The following PIAS2 variants were observed in gnomAD, a reference collection of about 807,000 sequenced individuals.
PIAS2 encodes protein inhibitor of activated STAT 2, also known as E3 SUMO-protein ligase PIAS2.
PIAS2 carries 19 observed loss-of-function variants against 69.7 expected under a neutral mutation model. The ratio of observed to expected loss-of-function variants is 0.27; its 90% confidence interval spans 0.19 to 0.40. The LOEUF (loss-of-function observed/expected upper bound fraction) is 0.40. PIAS2 is among the 10% of genes least tolerant of loss of function. The probability of loss-of-function intolerance (pLI) is 1.00; values close to 1 mark genes in which losing one functional copy is unlikely to be tolerated. For missense variants in PIAS2, 624 were observed against 757.0 expected (o/e 0.82, Z 2.06); for synonymous variants, 261 against 263.2 (o/e 0.99, Z 0.08).
intron 12 of PIAS2, among the ~76,000 whole-genome samples, 164 bp downstream of exon 12, chr18:46,820,769 C>T (rs1197593608): frequency 6.6e-6 from 1 of 152,082 alleles, no homozygotes; most frequent in African/African-American, 2.4e-5. Flanking sequence ...GTTAAAATAA[C>T]AACTGGATGT....
intron 11 of PIAS2, among the ~76,000 whole-genome samples, chr18:46,821,994 G>A (rs1346966875): frequency 2.6e-5 from 4 of 152,100 alleles, no homozygotes; most frequent in East Asian, 1.9e-4. Context: ...ATCCTTGAAT[G>A]TATGTAGGAA....
Position 46,807,724 on chromosome 18 carries a change from A to T in PIAS2, c.*4709T>A, listed in dbSNP as rs2144667597. ...TGTCAGATATATTTAAAACTAAGAA[A>T]GCTTGGGAAAATCTCTGCCAATGAT... On this transcript the variant is annotated 3_prime_UTR_variant, in exon 14 of 14. Coordinates refer to ENST00000585916, the MANE Select transcript of PIAS2 (RefSeq NM_004671.5). 6.6e-6 allele frequency: 1 copy of T among 152,288 alleles called. No homozygotes were observed. The highest frequency in any genetic ancestry group is 2.1e-4 in the South Asian group (1 of 4,824). 9.4% of individuals were successfully genotyped at this position (152,288 alleles called of 1,614,324 possible). A position where few individuals can be genotyped will look rare whatever the true frequency, so the allele number is the denominator to read the frequency against.
At chr18:46,826,021 T>C (rs2042795642) in intron 11 of PIAS2, among the ~76,000 whole-genome samples, 1 of 152,192 alleles carries the variant, frequency 6.6e-6, no homozygotes, top group African/African-American at 2.4e-5. Flanking sequence ...AGTTCTTCCG[T>C]GTATTAATGT....
chr18:46,856,715 T>C (rs372249131), intron 3 of PIAS2, among the ~76,000 whole-genome samples: 2 of 152,176 alleles, frequency 1.3e-5, no homozygotes, highest in East Asian at 3.9e-4. Context: ...ATTACAGTTT[T>C]AAAAAGTATT....
chr18:46,814,577 G>A (rs1416220956), intron 13 of PIAS2, among the ~76,000 whole-genome samples: 2 of 152,200 alleles, frequency 1.3e-5, no homozygotes, highest in East Asian at 3.8e-4. Flanking sequence ...ACAGGAGGCT[G>A]ATACAGGACT....
At chr18:46,824,855 A>C (rs2042628399) in intron 11 of PIAS2, among the ~76,000 whole-genome samples, 1 of 149,676 alleles carries the variant, frequency 6.7e-6, no homozygotes, top group Non-Finnish European at 1.5e-5. Flanking sequence ...AAAAAAAAAC[A>C]CAAAAAAATT....
At chr18:46,906,526 T>TA (rs1198795157) in intron 1 of PIAS2, among the ~76,000 whole-genome samples, 3 of 152,136 alleles carry the variant, frequency 2.0e-5, no homozygotes, top group Non-Finnish European at 2.9e-5. Context: ...AGTATAATTA[T>TA]AAAAAGTTAA....
At chr18:46,858,785 A>T (rs1434698392) in intron 3 of PIAS2, among the ~76,000 whole-genome samples, 2 of 152,198 alleles carry the variant, frequency 1.3e-5, no homozygotes, top group Non-Finnish European at 2.9e-5. Flanking sequence ...AAATGGTAAG[A>T]CTTGATGAAT....
At chr18:46,838,282 ACTTTC>A (rs1599569680) in intron 8 of PIAS2, among the ~76,000 whole-genome samples, 1 of 152,232 alleles carries the variant, frequency 6.6e-6, no homozygotes, top group African/African-American at 2.4e-5. Context: ...TCTCAAAAAC[ACTTTC>A]ACAATTACAT....
intron 1 of PIAS2, among the ~76,000 whole-genome samples, chr18:46,898,846 T>C (rs922259900): frequency 6.6e-6 from 1 of 151,772 alleles, no homozygotes; most frequent in Non-Finnish European, 1.5e-5. Flanking sequence ...ATACAAATAT[T>C]AGCCGGGCGT....
At chr18:46,914,446 C>T (rs2057584276) in intron 1 of PIAS2, among the ~76,000 whole-genome samples, 1 of 152,120 alleles carries the variant, frequency 6.6e-6, no homozygotes, top group South Asian at 2.1e-4. Flanking sequence ...TATAGAGCTG[C>T]CATATTCTGC....
At chr18:46,861,410 A>G (rs2048643906) in intron 3 of PIAS2, among the ~76,000 whole-genome samples, 1 of 152,226 alleles carries the variant, frequency 6.6e-6, no homozygotes, top group Admixed American at 6.5e-5. Context: ...ACACTGAATT[A>G]ATCTGCAAAA....
At chr18:46,898,994 C>CAA (rs80167037) in intron 1 of PIAS2, among the ~76,000 whole-genome samples, 2 of 80,790 alleles carry the variant, frequency 2.5e-5, no homozygotes, top group East Asian at 3.5e-4. Flanking sequence ...GACTCCATCT[C>CAA]AAAAAAAAAA....
At chr18:46,830,396 A>G (rs2043435602) in intron 9 of PIAS2, among the ~76,000 whole-genome samples, 1 of 152,118 alleles carries the variant, frequency 6.6e-6, no homozygotes, top group Non-Finnish European at 1.5e-5. Context: ...TAAACAAAAG[A>G]AACATGAGTC....
intron 1 of PIAS2, among the ~76,000 whole-genome samples, chr18:46,910,112 C>T (rs751852805): frequency 3.8e-4 from 57 of 151,906 alleles, no homozygotes; most frequent in Non-Finnish European, 6.8e-4. Flanking sequence ...GTCAAGATCG[C>T]GCCACTGCAC....
intron 13 of PIAS2, among the ~76,000 whole-genome samples, chr18:46,813,850 G>T (rs1246928419): frequency 6.6e-6 from 1 of 152,182 alleles, no homozygotes; most frequent in Non-Finnish European, 1.5e-5. Flanking sequence ...AGGGACATTA[G>T]TTACAGGGAG....
Position 46,817,048 on chromosome 18 carries a change from T to C in PIAS2, c.1649-1699A>G, listed in dbSNP as rs925439903. ...TCTATTATTAAGTAAAAAAAGTTTA[T>C]TGGAACATTTTGTTCTGCTTCAAAT... On this transcript the variant is annotated intron_variant, in intron 12 of 13. Transcript: ENST00000585916. 1.1e-5 allele frequency: 10 copies of C among 936,442 alleles called. 1 individual carries two copies. In the Admixed American group the frequency reaches 1.9e-4, roughly 17 times the overall value. 58.0% of individuals were successfully genotyped at this position (936,442 alleles called of 1,614,324 possible). A position where few individuals can be genotyped will look rare whatever the true frequency, so the allele number is the denominator to read the frequency against.
chr18:46,805,398 A>C lies in PIAS2; in HGVS notation c.*7035T>G, dbSNP rs1277855049. The C allele has an allele frequency of 1.3e-5, 2 of 152,254 alleles. No individual in the cohort carries two copies. The highest frequency in any genetic ancestry group is 2.9e-5 in the Non-Finnish European group (2 of 68,064). 9.4% of individuals were successfully genotyped at this position (152,254 alleles called of 1,614,324 possible). ...TAATAATAATGACCAGAATCAAGGA[A>C]GGCAAGGAACACTGTGAGTCAAAGC... is the stretch of plus-strand genomic sequence containing the variant. On this transcript the variant is annotated 3_prime_UTR_variant, in exon 14 of 14. Coordinates refer to ENST00000585916, the MANE Select transcript of PIAS2 (RefSeq NM_004671.5).
In PIAS2 at chr18:46,803,942, G is replaced by C. The variant is rs1045999167; in HGVS notation, c.*8491C>G. 3 of 152,132 alleles carry C rather than the reference G, an allele frequency of 2.0e-5. No individual in the cohort carries two copies. The highest frequency in any genetic ancestry group is 7.2e-5 in the African/African-American group (3 of 41,424). 9.4% of individuals were successfully genotyped at this position (152,132 alleles called of 1,614,324 possible). ...CTGTAAGTTTTGGAGTTCAGAAGGTGAGTATGCTGCCTTTCAACACCTCAG... is the reference window on the plus strand; with the variant it reads ...CTGTAAGTTTTGGAGTTCAGAAGGTCAGTATGCTGCCTTTCAACACCTCAG... On this transcript the variant is annotated 3_prime_UTR_variant, in exon 14 of 14. Transcript: ENST00000585916.
Sources: gnomAD v4.1 joint callset for allele counts (sites outside exome capture counted in the v4.1 genomes callset) on GRCh38, gnomAD v4.1.1 for gene constraint, MANE v1.5 for transcripts, NCBI Gene and HGNC (gene_info 2026-07-23, HGNC 2026-07-21) for gene names.